LRCH3: variants seen among roughly 807,000 people sequenced by gnomAD.
LRCH3 encodes leucine rich repeats and calponin homology domain containing 3, also known as DISP complex protein LRCH3.
Under a neutral mutation model 104.5 loss-of-function variants are expected in LRCH3, and 68 were observed. The observed-to-expected ratio is 0.65, with a 90% CI of 0.54 to 0.80. The LOEUF (loss-of-function observed/expected upper bound fraction) is 0.80. Ranked by LOEUF, LRCH3 falls within the 30% of genes least tolerant of loss-of-function variation. LRCH3 has a pLI of 0.00. For missense variants in LRCH3, 951 were observed against 953.9 expected (o/e 1.00, Z 0.04); for synonymous variants, 344 against 361.3 (o/e 0.95, Z 0.54).
At chr3:197,807,053 A>G (rs1461052169) in intron 1 of LRCH3, among the ~76,000 whole-genome samples, 1 of 151,444 alleles carries the variant, frequency 6.6e-6, no homozygotes, top group Non-Finnish European at 1.5e-5. Context: ...AAAAAAAACA[A>G]ACAAACATGC....
intron 4 of LRCH3, among the ~76,000 whole-genome samples, chr3:197,822,460 T>A (rs2109227541): frequency 6.6e-6 from 1 of 152,352 alleles, no homozygotes; most frequent in South Asian, 2.1e-4. Flanking sequence ...AAATTGAGCA[T>A]TTCAGATGAC....
intron 20 of LRCH3, chr3:197,881,172 C>G (rs1713730043): frequency 3.0e-6 from 3 of 1,008,494 alleles, no homozygotes; most frequent in African/African-American, 3.5e-5. Context: ...AACCGTCGTG[C>G]CTTTTCTGGT....
intron 1 of LRCH3, among the ~76,000 whole-genome samples, chr3:197,811,932 A>G (rs1733168500): frequency 6.6e-6 from 1 of 152,200 alleles, no homozygotes; most frequent in Non-Finnish European, 1.5e-5. Flanking sequence ...AAAGTCCATA[A>G]TTTTAGAGAT....
intron 5 of LRCH3, among the ~76,000 whole-genome samples, chr3:197,827,384 T>A (rs1580678928): frequency 6.6e-6 from 1 of 151,792 alleles, no homozygotes. Flanking sequence ...AAGCATCAGG[T>A]AAACCATAGT....
intron 20 of LRCH3, chr3:197,880,916 A>G: frequency 7.0e-7 from 1 of 1,420,162 alleles, no homozygotes; most frequent in African/African-American, 1.4e-5. Flanking sequence ...GCTAACAAAG[A>G]GTAAAAGACC....
intron 1 of LRCH3, among the ~76,000 whole-genome samples, chr3:197,802,452 G>A (rs1732005713): frequency 1.3e-5 from 2 of 152,160 alleles, no homozygotes; most frequent in African/African-American, 2.4e-5. Flanking sequence ...TTCCATGTAT[G>A]TTCATCAGTG....
chr3:197,835,039 G>A (rs963128145), intron 8 of LRCH3, among the ~76,000 whole-genome samples: 3 of 152,142 alleles, frequency 2.0e-5, no homozygotes, highest in African/African-American at 7.2e-5. Flanking sequence ...AGCTACTTGG[G>A]AGGCTGAGGC....
chr3:197,848,173 G>A (rs370709400), intron 12 of LRCH3, 152 bp downstream of exon 12: 3 of 682,782 alleles, frequency 4.4e-6, no homozygotes, highest in South Asian at 3.9e-5. Flanking sequence ...TTTTACTTGT[G>A]TCTATCTGCA....
chr3:197,847,815 A>G, intron 11 of LRCH3, 57 bp from the exon 12 acceptor site: 1 of 1,580,118 alleles, frequency 6.3e-7, no homozygotes, highest in South Asian at 1.1e-5. Flanking sequence ...GATAGGGAAT[A>G]TTGGTAACGT....
chr3:197,792,602 TATAA>T (rs1560511346), intron 1 of LRCH3, among the ~76,000 whole-genome samples: 1 of 85,352 alleles, frequency 1.2e-5, no homozygotes, highest in African/African-American at 3.9e-5. Context: ...TATATATATA[TATAA>T]AATATACATA....
At chr3:197,874,282 G>A (rs1282218858) in intron 19 of LRCH3, among the ~76,000 whole-genome samples, 1 of 152,046 alleles carries the variant, frequency 6.6e-6, no homozygotes, top group Non-Finnish European at 1.5e-5. Context: ...ATCACCACCC[G>A]AGCTCTGCCT....
At chr3:197,851,111 T>C (rs1450375282) in intron 12 of LRCH3, among the ~76,000 whole-genome samples, 1 of 152,220 alleles carries the variant, frequency 6.6e-6, no homozygotes, top group Non-Finnish European at 1.5e-5. Flanking sequence ...AGGTTGGCTC[T>C]GAAGCCTATT....
At chr3:197,875,609 G>C in intron 19 of LRCH3, 89 bp from the exon 20 acceptor site, 3 of 930,820 alleles carry the variant, frequency 3.2e-6, no homozygotes, top group Non-Finnish European at 4.9e-6. Context: ...AGCCAGGCTT[G>C]CGCCACTGCA....
At chr3:197,797,427 G>A (rs573004625) in intron 1 of LRCH3, among the ~76,000 whole-genome samples, 6 of 152,090 alleles carry the variant, frequency 3.9e-5, no homozygotes, top group South Asian at 2.1e-4. Flanking sequence ...CTTGGAGGAA[G>A]GACGTAGAGA....
intron 12 of LRCH3, chr3:197,850,684 A>G: frequency 5.4e-6 from 8 of 1,488,258 alleles, no homozygotes; most frequent in Admixed American, 1.7e-5. Flanking sequence ...ACGTGCAGCA[A>G]AAATTCAGCA....
intron 1 of LRCH3, among the ~76,000 whole-genome samples, chr3:197,806,999 A>G (rs1033202395): frequency 1.3e-5 from 2 of 150,212 alleles, no homozygotes; most frequent in Non-Finnish European, 3.0e-5. Flanking sequence ...TGATTGCACC[A>G]CTGCACCCTA....
At position 197,810,019 on chromosome 3, in the gene LRCH3, G is replaced by A. The variant is rs1022715967; in HGVS notation, c.263-4889G>A. Among the ~76,000 whole-genome samples the A allele has an allele frequency of 1.8e-4, 27 of 152,238 alleles. No homozygotes were observed. The highest frequency in any genetic ancestry group is 3.4e-3 in the Middle Eastern group (1 of 294). ...TTTAGGATCCCCACGTAACCTTTGAGTAGGGGTGAGGCTACTCAAAGGTTG... is the reference window on the plus strand; with the variant it reads ...TTTAGGATCCCCACGTAACCTTTGAATAGGGGTGAGGCTACTCAAAGGTTG... On this transcript the variant is annotated intron_variant, in intron 1 of 20. Coordinates refer to ENST00000425562, the MANE Select transcript of LRCH3 (RefSeq NM_001365715.1). The surrounding 1 kb of genome is among the most constrained non-coding windows in gnomAD (Gnocchi z 4.0).
intron 3 of LRCH3, among the ~76,000 whole-genome samples, chr3:197,817,913 C>T (rs1414586593): frequency 1.3e-5 from 2 of 152,134 alleles, no homozygotes; most frequent in African/African-American, 4.8e-5. Context: ...CTTTGCCTCC[C>T]AGGTTCACGC....
At chr3:197,808,182 C>G (rs2109145661) in intron 1 of LRCH3, among the ~76,000 whole-genome samples, 1 of 152,188 alleles carries the variant, frequency 6.6e-6, no homozygotes, top group Middle Eastern at 3.4e-3. Context: ...AGTGATGTCC[C>G]TGTGAGAGGA....
Sources: allele counts gnomAD v4.1 joint callset (sites outside exome capture counted in the v4.1 genomes callset), GRCh38; gene constraint gnomAD v4.1.1; non-coding constraint Gnocchi (gnomAD v3.1); transcripts MANE v1.5; gene names NCBI Gene and HGNC (gene_info 2026-07-23, HGNC 2026-07-21).